TSR1: variants seen among roughly 807,000 people sequenced by gnomAD.
TSR1 encodes the protein TSR1 ribosome maturation factor, also known as pre-rRNA-processing protein TSR1 homolog.
A neutral mutation model predicts 90.9 loss-of-function variants in TSR1; 81 were observed. The ratio of observed to expected loss-of-function variants is 0.89; its 90% confidence interval spans 0.74 to 1.07. The LOEUF (loss-of-function observed/expected upper bound fraction) is 1.07. TSR1 is among the 50% of genes least tolerant of loss of function. The probability of loss-of-function intolerance (pLI) is 0.00; values close to 1 mark genes in which losing one functional copy is unlikely to be tolerated. For synonymous variants in TSR1, 362 were observed against 348.8 expected (o/e 1.04, Z -0.42); for missense variants, 989 against 987.3 (o/e 1.00, Z -0.02).
intron 11 of TSR1, among the ~76,000 whole-genome samples, chr17:2,327,262 C>T (rs2075581015): frequency 6.6e-6 from 1 of 151,650 alleles, no homozygotes; most frequent in Non-Finnish European, 1.5e-5. Context: ...ACTAAAAATA[C>T]AAAAAGTAGC....
At position 2,334,580 on chromosome 17, in the gene TSR1, G is replaced by C. The variant is rs141850371; in HGVS notation, c.873C>G (p.Ile291Met). The change falls in exon 5 of 15, where the codon ATC becomes ATG. Residue 291 changes from isoleucine to methionine, a missense_variant. By Grantham distance (10) the Ile-to-Met change is conservative (BLOSUM62 1). Transcript: ENST00000301364. The part of the protein sequence containing the change: ...QTLNVNRLLH[I>M]VGYGDFQMKQ... Reference sequence around the variant, plus strand: ...TCATCTGGAAATCACCATATCCAACGATATGCAGCAACCTATTGACATTCA... The same window carrying C: ...TCATCTGGAAATCACCATATCCAACCATATGCAGCAACCTATTGACATTCA... 2 of 1,614,150 alleles carry C rather than the reference G, an allele frequency of 1.2e-6. No homozygotes were observed. The highest frequency in any genetic ancestry group is 4.5e-5 in the East Asian group (2 of 44,888).
At chr17:2,332,477 C>T in intron 7 of TSR1, 118 bp from the exon 8 acceptor site, 2 of 854,580 alleles carry the variant, frequency 2.3e-6, no homozygotes, top group Non-Finnish European at 3.5e-6. Flanking sequence ...AACATAAATT[C>T]TAATACAGTC....
chr17:2,330,680 C>G, intron 9 of TSR1, 55 bp from the exon 10 acceptor site: 1 of 1,545,974 alleles, frequency 6.5e-7, no homozygotes, highest in South Asian at 1.1e-5. Flanking sequence ...GTCCCAATAG[C>G]GAGGAAGCTT....
At chr17:2,330,711 C>T (rs2236376) in intron 9 of TSR1, 86 bp from the exon 10 acceptor site, 170,531 of 1,391,468 alleles carry the variant, frequency 0.12, 15,339 homozygotes, top group East Asian at 0.54. Context: ...TGTTGAGTCT[C>T]TCAGATAAAA....
At position 2,335,958 on chromosome 17, in the gene TSR1, G is replaced by A. The variant is rs1400211636; in HGVS notation, c.201+79C>T. On this transcript the variant is annotated intron_variant, in intron 2 of 14. Coordinates refer to ENST00000301364, the MANE Select transcript of TSR1 (RefSeq NM_018128.5). ...TGCTCTGTCCCTGGACCCTCCTCCCGGTCTCATTTTCCACTTCGAGGCATT... is the reference window on the plus strand; with the variant it reads ...TGCTCTGTCCCTGGACCCTCCTCCCAGTCTCATTTTCCACTTCGAGGCATT... 7.4e-5 allele frequency: 108 copies of A among 1,457,292 alleles called. 1 individual carries two copies. The South Asian group carries it at 7.4e-4, about 10-fold the overall frequency. The allele number at this position is 1,457,292 out of a possible 1,614,324, so 90.3% of individuals were successfully genotyped here.
intron 3 of TSR1, 53 bp from the exon 4 acceptor site, chr17:2,335,447 T>TA (rs776757233): frequency 0.034 from 50,218 of 1,482,536 alleles, 48 homozygotes; most frequent in East Asian, 0.11. Context: ...CACATTATTC[T>TA]AAAAAAAAAA....
At chr17:2,335,820 C>T in intron 2 of TSR1, 90 bp from the exon 3 acceptor site, 1 of 1,429,886 alleles carries the variant, frequency 7.0e-7, no homozygotes, top group Admixed American at 2.0e-5. Flanking sequence ...CTCCCCCTAC[C>T]CAAAACCAGC....
chr17:2,330,652 A>G, intron 9 of TSR1, 27 bp from the exon 10 acceptor site: 1 of 1,604,356 alleles, frequency 6.2e-7, no homozygotes, highest in Non-Finnish European at 8.5e-7. Flanking sequence ...GAAAGCAATC[A>G]TGGAGTTACC....
At chr17:2,334,925 AC>A (rs758180622) in intron 4 of TSR1, 29 bp from the exon 5 acceptor site, 1 of 1,582,492 alleles carries the variant, frequency 6.3e-7, no homozygotes, top group Non-Finnish European at 8.6e-7. Context: ...ACGCTTCATG[AC>A]CTACTGCTTC....
chr17:2,330,726 T>C lies in TSR1; in HGVS notation c.1660-101A>G, dbSNP rs1399619983. The C allele has an allele frequency of 1.4e-5, 18 of 1,298,404 alleles. No individual in the cohort carries two copies. The African/African-American group carries it at 1.9e-4, about 14-fold the overall frequency. 80.4% of individuals were successfully genotyped at this position (1,298,404 alleles called of 1,614,324 possible). ...TGTTGAGTCTCTCAGATAAAATTTT[T>C]AAAGCCAACCCTCATCCTTCAAGAT... On this transcript the variant is annotated intron_variant, in intron 9 of 14. Coordinates refer to ENST00000301364, the MANE Select transcript of TSR1 (RefSeq NM_018128.5).
At position 2,323,761 on chromosome 17, in the gene TSR1, A is replaced by T; in HGVS notation, c.*435T>A. On this transcript the variant is annotated 3_prime_UTR_variant, in exon 15 of 15. Coordinates refer to ENST00000301364, the MANE Select transcript of TSR1 (RefSeq NM_018128.5). ...CAACATTTTCAAACTGTTTCCCCAG[A>T]AGTAAAGAACATTTGTATTGTGCTC... is the stretch of plus-strand genomic sequence containing the variant. 6.2e-7 allele frequency: 1 copy of T among 1,614,196 alleles called. No individual in the cohort carries two copies.
In TSR1 at chr17:2,332,230, T is replaced by C. The variant is rs1371753037; in HGVS notation, c.1435A>G (p.Arg479Gly). The change falls in exon 8 of 15, where the codon AGA becomes GGA. Residue 479 changes from arginine to glycine, a missense_variant. Arg to Gly is a moderately radical substitution (Grantham distance 125). Coordinates refer to ENST00000301364, the MANE Select transcript of TSR1 (RefSeq NM_018128.5). ...TCATCTGGAAACATCTCTTCCAGTC[T>C]TTCTTGTTTATATTTCTCCAACATT... ...AKMLEKYKQERLEEMFPDEVD... is the reference protein window; with the variant it reads ...AKMLEKYKQEGLEEMFPDEVD... 3 of 1,614,122 alleles carry C rather than the reference T, an allele frequency of 1.9e-6. No homozygotes were observed. The highest frequency in any genetic ancestry group is 2.7e-5 in the African/African-American group (2 of 75,034).
chr17:2,335,209 G>A (rs1206932614), intron 4 of TSR1, 51 bp downstream of exon 4: 13 of 1,577,542 alleles, frequency 8.2e-6, no homozygotes, highest in South Asian at 1.1e-5. Context: ...TCAAATACCA[G>A]GCATAGTGCC....
At position 2,336,031 on chromosome 17, in the gene TSR1, T is replaced by C. The variant is rs769276543; in HGVS notation, c.201+6A>G. 1 of 1,614,114 alleles carries C rather than the reference T, an allele frequency of 6.2e-7. No individual in the cohort carries two copies. ...GCCGCATTCTCCCAAATCCCGCTCC[T>C]CTCACCGCCTCCTTCTTCTGCTTTC... On this transcript the variant is annotated splice_donor_region_variant and intron_variant, in intron 2 of 14. Transcript: ENST00000301364.
In TSR1 at chr17:2,324,350, C is replaced by T; in HGVS notation, c.2261G>A (p.Ser754Asn). The T allele has an allele frequency of 6.4e-7, 1 of 1,564,440 alleles. No homozygotes were observed. The highest frequency in any genetic ancestry group is 8.6e-7 in the Non-Finnish European group (1 of 1,159,010). Residue 754 changes from serine to asparagine, a missense_variant, in exon 15 of 15, where the codon AGC becomes AAC. By Grantham distance (46) the Ser-to-Asn change is conservative. Transcript: ENST00000301364. ...PLGTHGHMKC[S>N]FDGKLKSQDT... The stretch of plus-strand genomic sequence containing the variant: ...TTGAGATTTTAGCTTCCCATCAAAG[C>T]TGCATTTCATGTGGCCATGGGTACC...
rs1471605847 is a variant in TSR1 at position 2,335,577 on chromosome 17, T to C, written c.355A>G (p.Thr119Ala). The C allele has an allele frequency of 1.9e-6, 3 of 1,613,918 alleles. No homozygotes were observed. In the African/African-American group the frequency reaches 4.0e-5, roughly 22 times the overall value. ...GGGCACAGCAGCATAAAGTTCTGGGTGTTTCCCAATTCATTCAAGTGTACT... is the reference window on the plus strand; with the variant it reads ...GGGCACAGCAGCATAAAGTTCTGGGCGTTTCCCAATTCATTCAAGTGTACT... ...GTVHLNELGN[T>A]QNFMLLCPRL... The change falls in exon 3 of 15, where the codon ACC becomes GCC. Residue 119 changes from threonine (T) to alanine (A), a missense_variant. Transcript: ENST00000301364.
intron 7 of TSR1, among the ~76,000 whole-genome samples, chr17:2,332,681 A>G (rs2064015145): frequency 6.6e-6 from 1 of 151,888 alleles, no homozygotes; most frequent in Non-Finnish European, 1.5e-5. Context: ...CTAAAAATAC[A>G]AAAAAATTAG....
Position 2,329,348 on chromosome 17 carries a change from G to C in TSR1, c.1898C>G (p.Thr633Ser), listed in dbSNP as rs202215567. The change falls in exon 11 of 15, where the codon ACT becomes AGT. Residue 633 changes from threonine to serine, a missense_variant. Physicochemically the swap from Thr to Ser is moderately conservative, Grantham distance 58 (BLOSUM62 1). Transcript: ENST00000301364. ...FRASPLFSQHTAADKHKLQRF... is the reference protein window; with the variant it reads ...FRASPLFSQHSAADKHKLQRF... ...CCAGCTTCCCCATTGCTAACCTGCA[G>C]TGTGCTGAGAGAATAAAGGTGAGGC... 6.2e-7 allele frequency: 1 copy of C among 1,614,180 alleles called. No individual in the cohort carries two copies. Among genetic ancestry groups the C allele is most frequent in the African/African-American group, 1.3e-5 (1 of 75,042 alleles).
At chr17:2,335,129 G>A in intron 4 of TSR1, 131 bp downstream of exon 4, 1 of 1,136,580 alleles carries the variant, frequency 8.8e-7, no homozygotes. Context: ...TGTAAACAAT[G>A]GATCAAGTTT....
Sources: allele counts gnomAD v4.1 joint callset (sites outside exome capture counted in the v4.1 genomes callset), GRCh38; gene constraint gnomAD v4.1.1; transcripts MANE v1.5; gene names NCBI Gene and HGNC (gene_info 2026-07-23, HGNC 2026-07-21).